Variants in CRYM observed in about 807,000 individuals in gnomAD.
CRYM encodes the protein crystallin mu, also known as ketimine reductase mu-crystallin.
Under a neutral mutation model 32.9 loss-of-function variants are expected in CRYM, and 18 were observed. The observed-to-expected ratio is 0.55, with a 90% confidence interval of 0.38 to 0.81. The LOEUF is 0.81. Ranked by LOEUF, CRYM falls within the 30% of genes least tolerant of loss-of-function variation. The pLI is 0.00. For missense variants in CRYM, 337 were observed against 393.5 expected (o/e 0.86, Z 1.21); for synonymous variants, 153 against 152.4 (o/e 1.00, Z -0.03).
At chr16:21,279,590 G>A (rs1336754163), upstream of CRYM, among the ~76,000 whole-genome samples, 1 of 152,142 alleles carries the variant, frequency 6.6e-6, no homozygotes, top group African/African-American at 2.4e-5. Context: ...GTGATTCCTA[G>A]GAAAGAAATT....
intron 3 of CRYM, among the ~76,000 whole-genome samples, chr16:21,273,615 C>G (rs2093380466): frequency 6.6e-6 from 1 of 152,186 alleles, no homozygotes; most frequent in Non-Finnish European, 1.5e-5. Flanking sequence ...TAGCTTGCTT[C>G]TGTTGGAAAC....
chr16:21,297,621 A>G (rs1246873002), intron 1 of CRYM, among the ~76,000 whole-genome samples: 2 of 152,234 alleles, frequency 1.3e-5, no homozygotes, highest in Non-Finnish European at 2.9e-5. Context: ...ACATATTTTA[A>G]AAATGCATAA....
intron 1 of CRYM, among the ~76,000 whole-genome samples, chr16:21,289,115 ATT>A (rs1271252839): frequency 6.6e-6 from 1 of 152,042 alleles, no homozygotes; most frequent in Non-Finnish European, 1.5e-5. Context: ...CAGGTGGTTT[ATT>A]TTGTTGTTCA....
At chr16:21,273,214 G>A (rs1351627957) in intron 3 of CRYM, among the ~76,000 whole-genome samples, 3 of 152,066 alleles carry the variant, frequency 2.0e-5, no homozygotes, top group Admixed American at 2.0e-4. Context: ...AATGTATTAT[G>A]TTCATCAGAC....
Position 21,298,387 on chromosome 16 carries a change from C to T in CRYM, c.-193+4591G>A, listed in dbSNP as rs1960831497. ...CACAAAAGTCAAACACTAAAAACAACCCGCATGTCTCTATTAGTAAACAAA... is the reference window on the plus strand; with the variant it reads ...CACAAAAGTCAAACACTAAAAACAATCCGCATGTCTCTATTAGTAAACAAA... On this transcript the variant is annotated intron_variant, in intron 1 of 9. Coordinates refer to the CRYM transcript ENST00000219599. Among the ~76,000 whole-genome samples, 9 of 152,272 alleles carry T rather than the reference C, an allele frequency of 5.9e-5. No individual in the cohort carries two copies. In the South Asian group the frequency reaches 1.9e-3, roughly 32 times the overall value.
At chr16:21,297,361 C>G (rs1200667839) in intron 1 of CRYM, among the ~76,000 whole-genome samples, 3 of 152,112 alleles carry the variant, frequency 2.0e-5, no homozygotes, top group South Asian at 4.1e-4. Context: ...CCATCGCACT[C>G]CAGCCTGGGC....
chr16:21,287,848 T>G (rs1481584399), intron 1 of CRYM, among the ~76,000 whole-genome samples: 5 of 152,226 alleles, frequency 3.3e-5, no homozygotes, highest in African/African-American at 1.2e-4. Context: ...AGCACTTTCC[T>G]TAGTTCTGTG....
At position 21,273,179 on chromosome 16, in the gene CRYM, G is replaced by A. The variant is rs117790043; in HGVS notation, c.387+2353C>T. Among the ~76,000 whole-genome samples the A allele has an allele frequency of 1.9e-3, 282 of 152,236 alleles. 6 individuals are homozygous for A. The East Asian group carries it at 0.046, about 25-fold the overall frequency. ...AAAACATATCAGAGGCTTCAATGAAGCTTATGTGAGACCCAAGCACAAAAA... is the reference window on the plus strand; with the variant it reads ...AAAACATATCAGAGGCTTCAATGAAACTTATGTGAGACCCAAGCACAAAAA... On this transcript the variant is annotated intron_variant, in intron 3 of 7. Coordinates refer to ENST00000572914, the MANE Select transcript of CRYM (RefSeq NM_001376256.1).
rs762239927 is a variant in CRYM at position 21,277,411 on chromosome 16, CG to C, written c.324+19del. ...TGGGCCCAGGGGCCCCATTCCACCC[CG>C]GGACAGGAAGTTGCTCACCGCCAGC... On this transcript the variant is annotated intron_variant, in intron 2 of 7. Transcript: ENST00000572914. The surrounding 1 kb of genome is among the most constrained non-coding windows in gnomAD (Gnocchi z 4.2). 4 of 1,611,548 alleles carry C rather than the reference CG, an allele frequency of 2.5e-6. No homozygotes were observed. In the East Asian group the frequency reaches 8.9e-5, roughly 36 times the overall value.
At chr16:21,261,176 C>T in intron 7 of CRYM, 78 bp downstream of exon 7, 2 of 1,035,704 alleles carry the variant, frequency 1.9e-6, no homozygotes, top group Non-Finnish European at 1.5e-6. Context: ...AGTCTGGTGA[C>T]TCATTGCTCT....
At chr16:21,270,894 C>T (rs1013652187) in intron 3 of CRYM, among the ~76,000 whole-genome samples, 3 of 152,190 alleles carry the variant, frequency 2.0e-5, no homozygotes, top group Admixed American at 6.5e-5. Context: ...GATCAACTCA[C>T]GTCCAGTGCC....
chr16:21,301,703 G>C (rs551536618), intron 1 of CRYM, among the ~76,000 whole-genome samples: 1 of 152,318 alleles, frequency 6.6e-6, no homozygotes, highest in African/African-American at 2.4e-5. Flanking sequence ...GACTCCTACC[G>C]CTCCGCGCAC....
At chr16:21,293,623 T>C (rs1325878507) in intron 1 of CRYM, among the ~76,000 whole-genome samples, 2 of 152,150 alleles carry the variant, frequency 1.3e-5, no homozygotes, top group African/African-American at 4.8e-5. Context: ...GAAGTGCCCT[T>C]TAGAATTAGG....
chr16:21,288,570 A>C (rs1420375865), intron 1 of CRYM, among the ~76,000 whole-genome samples: 2 of 151,830 alleles, frequency 1.3e-5, no homozygotes, highest in Non-Finnish European at 2.9e-5. Flanking sequence ...CTTTAAAGGG[A>C]TTGTATATTT....
intron 4 of CRYM, 43 bp from the exon 5 acceptor site, chr16:21,267,780 G>T: frequency 6.2e-7 from 1 of 1,608,460 alleles, no homozygotes; most frequent in Non-Finnish European, 8.5e-7. Context: ...CCATTTTTTG[G>T]CTGCTTATGT....
intron 5 of CRYM, among the ~76,000 whole-genome samples, chr16:21,262,825 G>A (rs983057754): frequency 2.6e-5 from 4 of 151,954 alleles, no homozygotes; most frequent in Admixed American, 6.5e-5. Context: ...ACGAATGGAG[G>A]CTCAAAGAAG....
chr16:21,273,159 A>G (rs749738367), intron 3 of CRYM, among the ~76,000 whole-genome samples: 4 of 152,182 alleles, frequency 2.6e-5, no homozygotes, highest in Non-Finnish European at 4.4e-5. Flanking sequence ...TTGAGAAAAC[A>G]TATCAGAGGC....
upstream of CRYM, among the ~76,000 whole-genome samples, chr16:21,281,855 A>G (rs1407500693): frequency 6.6e-6 from 1 of 152,228 alleles, no homozygotes; most frequent in East Asian, 1.9e-4. Flanking sequence ...GACCACTTTC[A>G]TGAATATTCA....
At chr16:21,282,034 T>G (rs1349497298), upstream of CRYM, among the ~76,000 whole-genome samples, 2 of 152,224 alleles carry the variant, frequency 1.3e-5, no homozygotes, top group East Asian at 3.9e-4. Flanking sequence ...GCTCCCATAA[T>G]TCCCACATCT....
Sources: allele counts gnomAD v4.1 joint callset (sites outside exome capture counted in the v4.1 genomes callset), GRCh38; gene constraint gnomAD v4.1.1; non-coding constraint Gnocchi (gnomAD v3.1); transcripts MANE v1.5; gene names NCBI Gene and HGNC (gene_info 2026-07-23, HGNC 2026-07-21).